The following CES5A variants were observed in gnomAD, a reference collection of about 807,000 sequenced individuals.
The protein encoded by CES5A is carboxylesterase 5.
In CES5A, 67 loss-of-function variants were observed where a neutral mutation model predicts 62.9. The ratio of observed to expected loss-of-function variants is 1.07; its 90% CI spans 0.88 to 1.31. The LOEUF is 1.31. Ranked by LOEUF, CES5A falls within the 50% of genes most tolerant of loss-of-function variation. The probability of loss-of-function intolerance (pLI) is 0.00; values close to 1 mark genes in which losing one functional copy is unlikely to be tolerated. For synonymous variants in CES5A, 296 were observed against 280.8 expected, an observed-to-expected ratio of 1.05 and a Z score of -0.54; for missense variants, 748 against 708.5, an observed-to-expected ratio of 1.06 and a Z score of -0.63.
chr16:55,855,842 C>T (rs1308431715), intron 9 of CES5A, among the ~76,000 whole-genome samples: 1 of 152,110 alleles, frequency 6.6e-6, no homozygotes, highest in South Asian at 2.1e-4. Context: ...CTGTGTCCCC[C>T]ACCAAATCTC....
intron 1 of CES5A, among the ~76,000 whole-genome samples, chr16:55,883,569 G>A (rs554198959): frequency 3.6e-4 from 55 of 152,266 alleles, no homozygotes; most frequent in Non-Finnish European, 4.3e-4. Context: ...CACTGCACCC[G>A]GGCCACCGTT....
intron 8 of CES5A, among the ~76,000 whole-genome samples, chr16:55,857,877 A>G (rs1351397595): frequency 6.6e-6 from 1 of 152,206 alleles, no homozygotes; most frequent in South Asian, 2.1e-4. Flanking sequence ...ATCACACAGC[A>G]GGTAAACAGA....
chr16:55,907,804 C>A (rs1359199034), intron 1 of CES5A, among the ~76,000 whole-genome samples: 1 of 152,176 alleles, frequency 6.6e-6, no homozygotes, highest in Non-Finnish European at 1.5e-5. Context: ...TCCTCACCAC[C>A]AAGCCCCTGT....
At chr16:55,949,408 G>A (rs1451911490) in intron 2 of CES5A, among the ~76,000 whole-genome samples, 2 of 152,236 alleles carry the variant, frequency 1.3e-5, no homozygotes, top group African/African-American at 4.8e-5. Context: ...CCCCAAAGGG[G>A]AGATAGCTGC....
chr16:55,892,160 A>T (rs1032217836), intron 1 of CES5A, among the ~76,000 whole-genome samples: 1 of 152,134 alleles, frequency 6.6e-6, no homozygotes, highest in Admixed American at 6.5e-5. Flanking sequence ...TAACCTGAAC[A>T]TTTCCATTCT....
chr16:55,916,646 T>C (rs2034151165), intron 1 of CES5A, among the ~76,000 whole-genome samples: 1 of 152,210 alleles, frequency 6.6e-6, no homozygotes, highest in Admixed American at 6.5e-5. Context: ...CACCACCCTC[T>C]ACTCAGCCCT....
At chr16:55,857,142 G>A (rs1237761674) in intron 8 of CES5A, among the ~76,000 whole-genome samples, 2 of 152,216 alleles carry the variant, frequency 1.3e-5, no homozygotes, top group Non-Finnish European at 2.9e-5. Flanking sequence ...AGGTCAGGCA[G>A]TGGCTGAAAA....
At chr16:55,854,531 C>CTTTCTGTTTTCTTTA (rs1555479325) in intron 9 of CES5A, among the ~76,000 whole-genome samples, 1 of 52,162 alleles carries the variant, frequency 1.9e-5, no homozygotes, top group Non-Finnish European at 3.6e-5. Context: ...TGTAGTGTTT[C>CTTTCTGTTTTCTTTA]TTTTTTTTTT....
chr16:55,888,624 C>T (rs2033841142), intron 1 of CES5A, among the ~76,000 whole-genome samples: 1 of 152,236 alleles, frequency 6.6e-6, no homozygotes, highest in African/African-American at 2.4e-5. Flanking sequence ...GTCTTTGTCT[C>T]AGGCTCTGCT....
intron 1 of CES5A, among the ~76,000 whole-genome samples, chr16:55,913,281 T>C (rs570746895): frequency 3.3e-5 from 5 of 152,020 alleles, no homozygotes; most frequent in Non-Finnish European, 7.4e-5. Flanking sequence ...GCAGAACTGG[T>C]TGAGCCAGAT....
At chr16:55,849,919 C>G in intron 10 of CES5A, 146 bp from the exon 11 acceptor site, 1 of 779,434 alleles carries the variant, frequency 1.3e-6, no homozygotes, top group Non-Finnish European at 2.0e-6. Flanking sequence ...TCATTTGAGG[C>G]TGGAATTTCC....
chr16:55,905,678 G>C (rs538237714), intron 1 of CES5A, among the ~76,000 whole-genome samples: 1 of 152,002 alleles, frequency 6.6e-6, no homozygotes, highest in African/African-American at 2.4e-5. Flanking sequence ...GATTTTTAAC[G>C]TGACTCTTCC....
At chr16:55,879,634 C>G (rs1319327709), upstream of CES5A, among the ~76,000 whole-genome samples, 1 of 152,118 alleles carries the variant, frequency 6.6e-6, no homozygotes, top group Admixed American at 6.6e-5. Context: ...CTTTTTGAGA[C>G]AGTGTCTCTC....
chr16:55,882,729 T>A (rs1325566068), intron 1 of CES5A, among the ~76,000 whole-genome samples: 2 of 152,222 alleles, frequency 1.3e-5, no homozygotes, highest in African/African-American at 2.4e-5. Context: ...ATTTTTCTTC[T>A]ACTTTAGTGG....
rs880838 is a variant in CES5A, at chr16:55,955,856, G to A, written c.30C>T (p.Cys10=). Residue 10 remains cysteine (C), a synonymous_variant, in exon 1 of 14, where the codon TGC becomes TGT. Coordinates refer to the CES5A transcript ENST00000521992. ...GGCTAATACTCACCTTTAGGCCATG[G>A]CATGAAGCAGGGCAAACCAGAACAG... 2,411 of 1,536,004 alleles carry A rather than the reference G, an allele frequency of 1.6e-3. 46 individuals carry two copies. In the African/African-American group the frequency reaches 0.03, roughly 19 times the overall value.
At chr16:55,953,944 A>G (rs1437520286) in intron 1 of CES5A, among the ~76,000 whole-genome samples, 1 of 152,178 alleles carries the variant, frequency 6.6e-6, no homozygotes. Flanking sequence ...ATTACTGTTG[A>G]CTATAGTCAG....
rs554886391 is a variant in CES5A at position 55,907,477 on chromosome 16, G to T, written c.-256+17846C>A. 5.3e-5 allele frequency among the ~76,000 whole-genome samples: 8 copies of T among 152,214 alleles called. No homozygotes were observed. In the South Asian group the frequency reaches 1.5e-3, roughly 28 times the overall value. On this transcript the variant is annotated intron_variant, in intron 1 of 12. Coordinates refer to the CES5A transcript ENST00000518005. Reference sequence around the variant, plus strand: ...CATATGAAAGGTTTTGGGTTTATTCGGTGCCTCCAAGCTCCCAGACTCCGT... The same window carrying T: ...CATATGAAAGGTTTTGGGTTTATTCTGTGCCTCCAAGCTCCCAGACTCCGT...
At chr16:55,856,486 G>C (rs9937572) in intron 8 of CES5A, 41 bp from the exon 9 acceptor site, 428,503 of 1,597,590 alleles carry the variant, frequency 0.27, 63,571 homozygotes, top group African/African-American at 0.53. Context: ...ATCTGGTCAT[G>C]AGAAGGTAAA....
intron 1 of CES5A, among the ~76,000 whole-genome samples, chr16:55,884,855 G>T (rs2033798475): frequency 6.6e-6 from 1 of 152,134 alleles, no homozygotes; most frequent in Admixed American, 6.5e-5. Context: ...GCCTTCCAAA[G>T]TGCTGGGATT....
Sources: gnomAD v4.1 joint callset for allele counts (sites outside exome capture counted in the v4.1 genomes callset) on GRCh38, gnomAD v4.1.1 for gene constraint, MANE v1.5 for transcripts, NCBI Gene and HGNC (gene_info 2026-07-23, HGNC 2026-07-21) for gene names.